Variants in PDE11A observed in about 807,000 individuals in gnomAD.
PDE11A encodes the protein phosphodiesterase 11A, also known as dual 3',5'-cyclic-AMP and -GMP phosphodiesterase 11A.
A neutral mutation model predicts 100.5 loss-of-function variants in PDE11A; 100 were observed. The observed-to-expected ratio is 1.00, with a 90% CI of 0.85 to 1.18. The LOEUF is 1.18. PDE11A is among the 50% of genes most tolerant of loss of function. PDE11A has a pLI of 0.00. For synonymous variants in PDE11A, 381 were observed against 420.8 expected (o/e 0.91, Z 1.16); for missense variants, 1,141 against 1,152.6 (o/e 0.99, Z 0.15).
At chr2:178,083,044 G>C (rs569182052) in intron 2 of PDE11A, among the ~76,000 whole-genome samples, 2 of 151,850 alleles carry the variant, frequency 1.3e-5, no homozygotes, top group African/African-American at 4.8e-5. Context: ...CTTTCTGCTA[G>C]TTAGGGCTAA....
At chr2:177,791,972 A>C (rs2082639454) in intron 9 of PDE11A, among the ~76,000 whole-genome samples, 1 of 152,178 alleles carries the variant, frequency 6.6e-6, no homozygotes, top group Non-Finnish European at 1.5e-5. Context: ...CTAAGTTTTT[A>C]GTATTCTCCT....
chr2:177,733,342 T>A (rs1382587089), intron 10 of PDE11A, among the ~76,000 whole-genome samples: 1 of 152,212 alleles, frequency 6.6e-6, no homozygotes, highest in East Asian at 1.9e-4. Flanking sequence ...TGGAGCTAAT[T>A]TGAATAATGT....
intron 4 of PDE11A, among the ~76,000 whole-genome samples, chr2:177,893,803 T>A (rs1313504941): frequency 6.6e-6 from 1 of 152,162 alleles, no homozygotes; most frequent in African/African-American, 2.4e-5. Flanking sequence ...AGGTCATAAG[T>A]AATATGGAAA....
At chr2:178,033,564 T>A (rs1219497876) in intron 1 of PDE11A, among the ~76,000 whole-genome samples, 2 of 151,806 alleles carry the variant, frequency 1.3e-5, no homozygotes, top group African/African-American at 4.8e-5. Context: ...ACTAAGATAC[T>A]CCTCAAGAAG....
chr2:177,923,406 G>A (rs1404146182), intron 2 of PDE11A, among the ~76,000 whole-genome samples: 1 of 151,950 alleles, frequency 6.6e-6, no homozygotes, highest in Non-Finnish European at 1.5e-5. Context: ...AAGAAAGTAA[G>A]TACAGGGGTA....
chr2:177,675,972 C>CTT, intron 16 of PDE11A: 1 of 303,110 alleles, frequency 3.3e-6, no homozygotes, highest in Middle Eastern at 1.2e-3. Flanking sequence ...AGAGGCAAGG[C>CTT]ACATGCCACA....
intron 10 of PDE11A, among the ~76,000 whole-genome samples, chr2:177,752,380 C>T (rs2082037259): frequency 6.6e-6 from 1 of 152,098 alleles, no homozygotes; most frequent in African/African-American, 2.4e-5. Context: ...GGATTTAAAT[C>T]TTATACTGTG....
At chr2:177,742,039 G>GA (rs71410757) in intron 10 of PDE11A, among the ~76,000 whole-genome samples, 96,333 of 138,146 alleles carry the variant, frequency 0.7, 34,301 homozygotes, top group East Asian at 0.9. Flanking sequence ...TGTCTCTTAA[G>GA]AAAAAAAAAA....
chr2:177,691,721 T>C (rs911302182), intron 15 of PDE11A, among the ~76,000 whole-genome samples: 5 of 152,114 alleles, frequency 3.3e-5, no homozygotes. Context: ...TCTGAGCTCC[T>C]TGAAGGCCCA....
intron 1 of PDE11A, among the ~76,000 whole-genome samples, chr2:178,026,416 C>A (rs763055692): frequency 1.9e-4 from 29 of 152,118 alleles, no homozygotes; most frequent in Non-Finnish European, 3.8e-4. Context: ...AATCCCAGCA[C>A]TTTGGGAGGC....
At chr2:177,963,835 G>A (rs568791426) in intron 2 of PDE11A, among the ~76,000 whole-genome samples, 9 of 152,284 alleles carry the variant, frequency 5.9e-5, no homozygotes, top group African/African-American at 1.7e-4. Flanking sequence ...GATGTTTCCA[G>A]TGGCCTCCAC....
intron 9 of PDE11A, among the ~76,000 whole-genome samples, chr2:177,769,708 G>A (rs112314910): frequency 0.012 from 1,887 of 151,932 alleles, 37 homozygotes; most frequent in African/African-American, 0.043. Context: ...GCAACATGGC[G>A]AAACCTTGTC....
Position 177,727,569 on chromosome 2 carries a change from A to G in PDE11A, c.2043+89T>C. ...TCCAACATAAAATGATCACATGGTA[A>G]TTTTTCAGAGAAATGGAAATGTAAA... On this transcript the variant is annotated intron_variant, in intron 12 of 19. Coordinates refer to ENST00000286063, the MANE Select transcript of PDE11A (RefSeq NM_016953.4). 11 of 850,430 alleles carry G rather than the reference A, an allele frequency of 1.3e-5. No homozygotes were observed. In the Admixed American group the frequency reaches 1.9e-4, roughly 15 times the overall value. 52.7% of individuals were successfully genotyped at this position (850,430 alleles called of 1,614,324 possible).
At chr2:177,933,888 C>G (rs145123378) in intron 2 of PDE11A, among the ~76,000 whole-genome samples, 27 of 152,220 alleles carry the variant, frequency 1.8e-4, no homozygotes, top group African/African-American at 6.5e-4. Context: ...TGAAAGGACT[C>G]GTTGTTCAAT....
chr2:178,025,590 A>G (rs1325495197), intron 1 of PDE11A, among the ~76,000 whole-genome samples: 1 of 152,180 alleles, frequency 6.6e-6, no homozygotes, highest in Admixed American at 6.5e-5. Flanking sequence ...CAGGAAAATG[A>G]AGACCCACAC....
chr2:178,054,276 G>GGGAAAACTGGCTAGCCATATGT (rs1304755693), intron 1 of PDE11A, among the ~76,000 whole-genome samples: 1 of 152,170 alleles, frequency 6.6e-6, no homozygotes, highest in African/African-American at 2.4e-5. Context: ...AAATGGTGCT[G>GGGAAAACTGGCTAGCCATATGT]GGAAAACTGG....
chr2:178,079,680 C>T (rs1036748172), intron 2 of PDE11A, among the ~76,000 whole-genome samples: 1 of 151,996 alleles, frequency 6.6e-6, no homozygotes, highest in Non-Finnish European at 1.5e-5. Context: ...GGGTCAAATG[C>T]TATTTCTGGT....
intron 2 of PDE11A, among the ~76,000 whole-genome samples, chr2:177,951,648 G>A (rs111445098): frequency 1.6e-4 from 25 of 152,146 alleles, no homozygotes; most frequent in Non-Finnish European, 3.1e-4. Context: ...CAATCCCAAA[G>A]GGCAATGCAA....
At chr2:177,689,127 G>A (rs930124738) in intron 15 of PDE11A, among the ~76,000 whole-genome samples, 1 of 151,984 alleles carries the variant, frequency 6.6e-6, no homozygotes, top group African/African-American at 2.4e-5. Context: ...TTGTTGCCCA[G>A]GCTGGAGTGC....
Sources: gnomAD v4.1 joint callset for allele counts (sites outside exome capture counted in the v4.1 genomes callset) on GRCh38, gnomAD v4.1.1 for gene constraint, MANE v1.5 for transcripts, NCBI Gene and HGNC (gene_info 2026-07-23, HGNC 2026-07-21) for gene names.